The following MMP26 variants were observed in gnomAD, a reference collection of about 807,000 sequenced individuals.
The protein encoded by MMP26 is matrix metalloproteinase-26.
MMP26 carries 33 observed loss-of-function variants against 31.0 expected under a neutral mutation model. That is an observed-to-expected ratio of 1.06 (90% CI 0.81 to 1.42). MMP26 has a LOEUF of 1.42. MMP26 is among the 40% of genes most tolerant of loss of function. The probability of loss-of-function intolerance (pLI) is 0.00; values close to 1 mark genes in which losing one functional copy is unlikely to be tolerated. For missense variants in MMP26, 347 were observed against 316.1 expected (o/e 1.10, Z -0.74); for synonymous variants, 122 against 114.9 (o/e 1.06, Z -0.40).
intron 1 of MMP26, among the ~76,000 whole-genome samples, chr11:4,759,351 C>T (rs1044266340): frequency 1.8e-4 from 28 of 152,046 alleles, no homozygotes; most frequent in African/African-American, 6.0e-4. Flanking sequence ...GTTTTTCAAG[C>T]ACTTAAGACT....
chr11:4,736,015 A>G (rs183856858), intron 1 of MMP26, among the ~76,000 whole-genome samples: 1 of 152,158 alleles, frequency 6.6e-6, no homozygotes, highest in Admixed American at 6.5e-5. Context: ...ATAAAGAATA[A>G]ATTTCCACCA....
chr11:4,915,306 G>A (rs915161277), intron 2 of MMP26: 3 of 1,613,880 alleles, frequency 1.9e-6, no homozygotes, highest in African/African-American at 1.3e-5. Flanking sequence ...ATAGACAGTA[G>A]CACAGAGGAC....
chr11:4,942,089 C>CAAA lies in MMP26; in HGVS notation c.-144-45960_-144-45958dup, dbSNP rs201626472. ...TGGGCAGCAGAATGAGAGTCCATCT[C>CAAA]AAAAAAAAAAAAAAAAAAAAAGGAA... is the stretch of plus-strand genomic sequence containing the variant. On this transcript the variant is annotated intron_variant, in intron 2 of 7. Transcript: ENST00000380390. Among the ~76,000 whole-genome samples the CAAA allele has an allele frequency of 6.2e-3, 231 of 37,098 alleles. 18 individuals are homozygous for CAAA. The highest frequency in any genetic ancestry group is 0.021 in the African/African-American group (185 of 8,932). The allele number at this position is 37,098 out of a possible 152,430, so 24.3% of individuals were successfully genotyped here.
rs139497679 is a variant in MMP26 at position 4,723,818 on chromosome 11, G to A, written c.-217+18773G>A. 10,929 of 1,565,012 alleles carry A rather than the reference G, an allele frequency of 7.0e-3. 58 individuals are homozygous for A. Among genetic ancestry groups the A allele is most frequent in the Middle Eastern group, 0.01 (59 of 5,884 alleles). ...TGCAGGAGGCTCCACTTGGTCTCCA[G>A]CATCTTGTTATGCTGCTCCAGGAAC... On this transcript the variant is annotated intron_variant, in intron 1 of 7. Transcript: ENST00000380390.
intron 2 of MMP26, among the ~76,000 whole-genome samples, chr11:4,788,966 G>A (rs1848984826): frequency 6.6e-6 from 1 of 152,128 alleles, no homozygotes; most frequent in African/African-American, 2.4e-5. Context: ...TAACGCATGA[G>A]TTCCCAGCAA....
intron 2 of MMP26, among the ~76,000 whole-genome samples, chr11:4,800,599 T>C (rs1269510190): frequency 6.6e-6 from 1 of 152,220 alleles, no homozygotes; most frequent in Non-Finnish European, 1.5e-5. Context: ...TTCTTTATAG[T>C]CATACTAATC....
At chr11:4,725,172 T>C (rs549534405) in intron 1 of MMP26, among the ~76,000 whole-genome samples, 70 of 152,252 alleles carry the variant, frequency 4.6e-4, no homozygotes, top group African/African-American at 1.6e-3. Flanking sequence ...CCCAGCACCA[T>C]GCTTCCTGTA....
At chr11:4,914,809 A>G (rs750672430) in intron 2 of MMP26, 2 of 1,613,988 alleles carry the variant, frequency 1.2e-6, no homozygotes, top group Non-Finnish European at 1.7e-6. Flanking sequence ...GAAAGAGAAG[A>G]TACATGAAAC....
intron 2 of MMP26, among the ~76,000 whole-genome samples, chr11:4,920,303 A>C (rs955310432): frequency 1.3e-5 from 2 of 152,194 alleles, no homozygotes; most frequent in Admixed American, 6.5e-5. Context: ...AACCAAGAGT[A>C]GGCCATCTAT....
chr11:4,813,131 A>C (rs1589908656), intron 2 of MMP26, among the ~76,000 whole-genome samples: 2 of 152,106 alleles, frequency 1.3e-5, no homozygotes, highest in South Asian at 4.1e-4. Flanking sequence ...CAGCCTCCCA[A>C]GTAGCTGGGA....
chr11:4,991,417 C>T lies in MMP26; in HGVS notation c.516C>T (p.Gly172=), dbSNP rs756648757. The part of the protein sequence containing the change: ...WPFDGPGGIL[G]HAFLPNSGNP... ...TTGATGGGCCAGGTGGTATCTTAGG[C>T]CATGCCTTTTTACCAAATTCTGGAA... The change falls in exon 6 of 8, where the codon GGC becomes GGT. Residue 172 remains glycine, a synonymous_variant. Transcript: ENST00000380390. 1.2e-5 allele frequency: 20 copies of T among 1,613,990 alleles called. No homozygotes were observed. The highest frequency in any genetic ancestry group is 3.3e-4 in the Middle Eastern group (2 of 6,062).
intron 1 of MMP26, among the ~76,000 whole-genome samples, chr11:4,712,940 T>G (rs1003120050): frequency 5.3e-5 from 8 of 152,094 alleles, no homozygotes; most frequent in African/African-American, 1.9e-4. Flanking sequence ...AAACAATGGT[T>G]GTTTAAAACT....
chr11:4,803,617 TA>T, intron 2 of MMP26: 1 of 1,613,728 alleles, frequency 6.2e-7, no homozygotes, highest in Non-Finnish European at 8.5e-7. Context: ...GGCTGGGATA[TA>T]AAGAGCCAAG....
intron 1 of MMP26, among the ~76,000 whole-genome samples, chr11:4,758,107 T>G (rs572803737): frequency 1.2e-3 from 187 of 152,196 alleles, no homozygotes; most frequent in African/African-American, 4.3e-3. Flanking sequence ...AATCCAAATA[T>G]CCATCAGTTG....
At chr11:4,920,627 C>A (rs1245689767) in intron 2 of MMP26, among the ~76,000 whole-genome samples, 2 of 152,068 alleles carry the variant, frequency 1.3e-5, no homozygotes, top group Non-Finnish European at 2.9e-5. Flanking sequence ...AAGCACAGAA[C>A]AATTAAACAT....
At position 4,821,623 on chromosome 11, in the gene MMP26, C is replaced by A. The variant is rs768201433; in HGVS notation, c.-145+54282C>A. On this transcript the variant is annotated intron_variant, in intron 2 of 7. Transcript: ENST00000380390. ...GCCTATGTACTATTTCCTCTCTATGCTTTCAGCCACAGACCTGAGCTTGTC... is the reference window on the plus strand; with the variant it reads ...GCCTATGTACTATTTCCTCTCTATGATTTCAGCCACAGACCTGAGCTTGTC... 20 of 1,614,020 alleles carry A rather than the reference C, an allele frequency of 1.2e-5. No homozygotes were observed. The East Asian group carries it at 2.9e-4, about 23-fold the overall frequency.
chr11:4,862,889 T>G (rs1850182808), intron 2 of MMP26, among the ~76,000 whole-genome samples: 1 of 152,156 alleles, frequency 6.6e-6, no homozygotes, highest in South Asian at 2.1e-4. Context: ...TGGTCAGATC[T>G]AAACAAAGCA....
intron 1 of MMP26, among the ~76,000 whole-genome samples, chr11:4,755,569 A>G (rs1848495552): frequency 6.6e-6 from 1 of 152,096 alleles, no homozygotes; most frequent in Admixed American, 6.6e-5. Context: ...GTAGAGATAC[A>G]TTGAATTTTG....
chr11:4,769,170 C>G, intron 2 of MMP26: 1 of 1,614,058 alleles, frequency 6.2e-7, no homozygotes, highest in Non-Finnish European at 8.5e-7. Context: ...AAGAAAGCAA[C>G]TGCTCCCACA....
Sources: gnomAD v4.1 joint callset for allele counts (sites outside exome capture counted in the v4.1 genomes callset) on GRCh38, gnomAD v4.1.1 for gene constraint, MANE v1.5 for transcripts, NCBI Gene and HGNC (gene_info 2026-07-23, HGNC 2026-07-21) for gene names.